Variants in SLC39A11 observed in about 807,000 individuals in gnomAD.
SLC39A11 encodes zinc transporter ZIP11.
SLC39A11 carries 33 observed loss-of-function variants against 36.1 expected under a neutral mutation model. That is an observed-to-expected ratio of 0.91 (90% confidence interval 0.69 to 1.22). SLC39A11 has a LOEUF of 1.22. Ranked by LOEUF, SLC39A11 falls within the 50% of genes most tolerant of loss-of-function variation. The pLI is 0.00. For missense variants in SLC39A11, 432 were observed against 430.3 expected (o/e 1.00, Z -0.03); for synonymous variants, 166 against 170.3 (o/e 0.97, Z 0.20).
intron 7 of SLC39A11, among the ~76,000 whole-genome samples, chr17:72,727,296 T>C (rs1423435957): frequency 6.6e-6 from 1 of 152,092 alleles, no homozygotes. Flanking sequence ...CCCAAGCACA[T>C]ACGGTCTGAA....
chr17:72,657,049 C>A (rs2070160264), intron 7 of SLC39A11, among the ~76,000 whole-genome samples: 1 of 151,532 alleles, frequency 6.6e-6, no homozygotes, highest in African/African-American at 2.4e-5. Context: ...AGGCATATTT[C>A]AAAATCATTC....
chr17:72,898,588 A>G (rs1312260270), intron 5 of SLC39A11, among the ~76,000 whole-genome samples: 1 of 152,244 alleles, frequency 6.6e-6, no homozygotes. Flanking sequence ...AGAGAAAAAA[A>G]AAGACACACA....
intron 6 of SLC39A11, among the ~76,000 whole-genome samples, chr17:72,796,463 C>T (rs773331941): frequency 5.9e-5 from 9 of 152,142 alleles, no homozygotes; most frequent in Non-Finnish European, 1.2e-4. Context: ...TACACCCTCC[C>T]CGTGGAGCTG....
intron 7 of SLC39A11, among the ~76,000 whole-genome samples, chr17:72,711,177 T>C (rs976682286): frequency 1.3e-5 from 2 of 152,208 alleles, no homozygotes; most frequent in Non-Finnish European, 2.9e-5. Flanking sequence ...CTCTGCTCAT[T>C]ATTCCCTTAT....
chr17:72,696,910 C>A (rs2072331194), intron 7 of SLC39A11, among the ~76,000 whole-genome samples: 1 of 152,198 alleles, frequency 6.6e-6, no homozygotes, highest in African/African-American at 2.4e-5. Context: ...TACGCTTCAG[C>A]AGCTGCGTTT....
chr17:72,753,591 CCT>C (rs1327874663), intron 6 of SLC39A11, among the ~76,000 whole-genome samples: 1 of 151,984 alleles, frequency 6.6e-6, no homozygotes, highest in Non-Finnish European at 1.5e-5. Context: ...TCCTGGGCTC[CCT>C]GTTTTCTCCA....
chr17:72,780,997 A>G (rs2076298670), intron 6 of SLC39A11, among the ~76,000 whole-genome samples: 1 of 151,136 alleles, frequency 6.6e-6, no homozygotes, highest in Non-Finnish European at 1.5e-5. Flanking sequence ...CAAAAAAAGA[A>G]ATAAATAAGT....
chr17:72,816,023 A>G (rs761433307), intron 6 of SLC39A11, among the ~76,000 whole-genome samples: 2 of 152,222 alleles, frequency 1.3e-5, no homozygotes, highest in African/African-American at 2.4e-5. Context: ...ATTGTTTCAG[A>G]TATTCTATAC....
At chr17:73,047,990 A>AAAAAAAAAATATATATATAT (rs1555693446) in intron 3 of SLC39A11, among the ~76,000 whole-genome samples, 3 of 58,698 alleles carry the variant, frequency 5.1e-5, no homozygotes, top group Non-Finnish European at 9.0e-5. Context: ...AAAAAAAAAA[A>AAAAAAAAAATATATATATAT]ATATATATAT....
intron 7 of SLC39A11, among the ~76,000 whole-genome samples, chr17:72,722,880 C>T (rs979614934): frequency 1.3e-5 from 2 of 152,132 alleles, no homozygotes; most frequent in African/African-American, 4.8e-5. Flanking sequence ...AAGTGATCCA[C>T]CAGCCTCGAC....
intron 7 of SLC39A11, among the ~76,000 whole-genome samples, chr17:72,702,433 G>C (rs987022148): frequency 6.6e-5 from 10 of 152,182 alleles, no homozygotes; most frequent in African/African-American, 2.4e-4. Flanking sequence ...CTAGTGGGAA[G>C]AGGCTAATGC....
At chr17:72,978,177 C>A (rs1044114302) in intron 4 of SLC39A11, among the ~76,000 whole-genome samples, 2 of 151,966 alleles carry the variant, frequency 1.3e-5, no homozygotes, top group African/African-American at 4.8e-5. Context: ...GCCCTCTTCC[C>A]TGCCCTTAGG....
intron 1 of SLC39A11, chr17:73,091,819 C>G (rs1399638500): frequency 6.6e-6 from 1 of 152,284 alleles, no homozygotes; most frequent in Non-Finnish European, 1.5e-5. Context: ...TAGACTTGTA[C>G]ACACCTGCCA....
chr17:72,911,800 T>G (rs955252203), intron 5 of SLC39A11, among the ~76,000 whole-genome samples: 1 of 152,100 alleles, frequency 6.6e-6, no homozygotes. Flanking sequence ...CACATCACCA[T>G]GTCCGGTTAA....
rs1202069717 is a variant in SLC39A11, at chr17:73,031,647, C to T, written c.215G>A (p.Gly72Asp). 7 of 1,614,016 alleles carry T rather than the reference C, an allele frequency of 4.3e-6. No individual in the cohort carries two copies. Among genetic ancestry groups the T allele is most frequent in the Non-Finnish European group, 5.9e-6 (7 of 1,180,028 alleles). The change falls in exon 4 of 10, where the codon GGC becomes GAC. Residue 72 changes from glycine to aspartate, a missense_variant. Physicochemically the swap from Gly to Asp is moderately conservative, Grantham distance 94. Coordinates refer to ENST00000255559, the MANE Select transcript of SLC39A11 (RefSeq NM_139177.4). Reference protein sequence around the residue: ...PAVEMATSSGGFGAFAFFPVA... With the variant: ...PAVEMATSSGDFGAFAFFPVA... ...AGGGAAGAAGGCAAAGGCACCGAAG[C>T]CCCCAGAGGACGTGGCCATCTCAAC...
chr17:72,908,285 C>T (rs1208195348), intron 5 of SLC39A11, among the ~76,000 whole-genome samples: 1 of 152,204 alleles, frequency 6.6e-6, no homozygotes, highest in Non-Finnish European at 1.5e-5. Flanking sequence ...CACTTTTTCT[C>T]AGATAAAGAA....
At chr17:72,963,743 A>G (rs1236468081) in intron 4 of SLC39A11, among the ~76,000 whole-genome samples, 2 of 152,208 alleles carry the variant, frequency 1.3e-5, no homozygotes, top group Non-Finnish European at 2.9e-5. Flanking sequence ...GTCATTATAT[A>G]GTTGAGGTTC....
At chr17:72,882,071 G>A (rs768235405) in intron 5 of SLC39A11, among the ~76,000 whole-genome samples, 15 of 152,086 alleles carry the variant, frequency 9.9e-5, no homozygotes, top group African/African-American at 2.2e-4. Flanking sequence ...TCTTTCGGCC[G>A]GGCCGGTGTG....
intron 5 of SLC39A11, 125 bp downstream of exon 5, chr17:72,947,627 G>C (rs771092638): frequency 7.2e-7 from 1 of 1,391,064 alleles, no homozygotes; most frequent in African/African-American, 1.4e-5. Flanking sequence ...TGAGTGATTC[G>C]GAGGGATAGG....
Sources: allele counts gnomAD v4.1 joint callset (sites outside exome capture counted in the v4.1 genomes callset), GRCh38; gene constraint gnomAD v4.1.1; transcripts MANE v1.5; gene names NCBI Gene and HGNC (gene_info 2026-07-23, HGNC 2026-07-21).